EIF4G3: variants seen among roughly 807,000 people sequenced by gnomAD.
The protein encoded by EIF4G3 is eukaryotic translation initiation factor 4 gamma 3.
Under a neutral mutation model 186.4 loss-of-function variants are expected in EIF4G3, and 34 were observed. The ratio of observed to expected loss-of-function variants is 0.18; its 90% CI spans 0.14 to 0.24. The LOEUF is 0.24. Among genes scored for constraint, EIF4G3 ranks in the 10% least tolerant of loss-of-function variants. EIF4G3 has a pLI of 1.00. For missense variants in EIF4G3, 1,536 were observed against 1,948.5 expected, an observed-to-expected ratio of 0.79 and a Z score of 3.99; for synonymous variants, 673 against 679.5, an observed-to-expected ratio of 0.99 and a Z score of 0.15.
chr1:21,163,337 G>A (rs2097795761), intron 2 of EIF4G3, among the ~76,000 whole-genome samples: 4 of 152,152 alleles, frequency 2.6e-5, no homozygotes, highest in Admixed American at 2.6e-4. Context: ...CAGGAAGTTG[G>A]ACTACTTTCA....
intron 20 of EIF4G3, among the ~76,000 whole-genome samples, chr1:20,870,810 A>T (rs1558010363): frequency 6.6e-6 from 1 of 152,222 alleles, no homozygotes; most frequent in Admixed American, 6.5e-5. Flanking sequence ...AGGGAGTCTC[A>T]CAGGCCTCTT....
At chr1:21,154,547 T>G (rs1035550908) in intron 2 of EIF4G3, among the ~76,000 whole-genome samples, 7 of 152,336 alleles carry the variant, frequency 4.6e-5, no homozygotes, top group East Asian at 1.9e-4. Flanking sequence ...CCGCTCCAAA[T>G]ATATTTTTCA....
intron 3 of EIF4G3, among the ~76,000 whole-genome samples, chr1:21,067,224 T>A (rs1290436461): frequency 6.6e-6 from 1 of 150,878 alleles, no homozygotes; most frequent in Non-Finnish European, 1.5e-5. Flanking sequence ...CCTCTGCTTC[T>A]GGGGTTTAAG....
At chr1:21,050,766 A>T in intron 4 of EIF4G3, 100 bp downstream of exon 4, 1 of 628,818 alleles carries the variant, frequency 1.6e-6, no homozygotes, top group East Asian at 3.1e-5. Flanking sequence ...ATTACTATAC[A>T]AGTAATGTTT....
intron 3 of EIF4G3, among the ~76,000 whole-genome samples, chr1:21,069,408 G>GT (rs1424657765): frequency 2.0e-5 from 3 of 152,076 alleles, no homozygotes; most frequent in African/African-American, 7.2e-5. Flanking sequence ...TTAAAACAAC[G>GT]TATCACCATC....
At chr1:21,114,908 A>G (rs138853852) in intron 2 of EIF4G3, among the ~76,000 whole-genome samples, 2 of 152,314 alleles carry the variant, frequency 1.3e-5, no homozygotes, top group East Asian at 3.9e-4. Flanking sequence ...TATGCCTGTA[A>G]TCCTAGCATT....
At position 21,169,762 on chromosome 1, in the gene EIF4G3, A is replaced by T. The variant is rs576725995; in HGVS notation, c.-272+6413T>A. The T allele has an allele frequency of 8.0e-4, 122 of 152,334 alleles. 1 individual carries two copies. The highest frequency in any genetic ancestry group is 2.9e-3 in the African/African-American group (120 of 41,572). The allele number at this position is 152,334 out of a possible 1,614,324, so 9.4% of individuals were successfully genotyped here. ...AGAATTATTTTCAATTCAATTATAC[A>T]TCCCTGCAAAATAATTTGAGGGCAG... On this transcript the variant is annotated intron_variant, in intron 2 of 36. Transcript: ENST00000602326.
chr1:20,843,181 T>C (rs1460474732), intron 29 of EIF4G3, among the ~76,000 whole-genome samples: 2 of 150,650 alleles, frequency 1.3e-5, no homozygotes, highest in Non-Finnish European at 3.0e-5. Flanking sequence ...ATCAACATCA[T>C]TGTTATGCCT....
intron 4 of EIF4G3, among the ~76,000 whole-genome samples, chr1:21,030,289 G>A (rs534633944): frequency 6.6e-6 from 1 of 152,270 alleles, no homozygotes; most frequent in South Asian, 2.1e-4. Context: ...CATGTGTTAT[G>A]GGGGGAACCC....
intron 3 of EIF4G3, chr1:21,065,074 C>T (rs1018682893): frequency 6.6e-6 from 1 of 152,170 alleles, no homozygotes; most frequent in African/African-American, 2.4e-5. Context: ...GATCTTCAGT[C>T]AGTTGCTAAT....
intron 28 of EIF4G3, among the ~76,000 whole-genome samples, chr1:20,850,214 C>T (rs1238318870): frequency 6.6e-6 from 1 of 152,216 alleles, no homozygotes; most frequent in African/African-American, 2.4e-5. Context: ...AAGGGCCTCA[C>T]ATTCACTGTG....
chr1:21,071,407 A>G (rs912567772), intron 3 of EIF4G3, among the ~76,000 whole-genome samples: 1 of 152,134 alleles, frequency 6.6e-6, no homozygotes, highest in Non-Finnish European at 1.5e-5. Context: ...CAGGGTGAGA[A>G]CCTGTCTCCA....
In EIF4G3 at chr1:21,159,709, G is replaced by A. The variant is rs181814452; in HGVS notation, c.-272+16466C>T. ...GAGCCAGGTATGGTGGCTCATGCCTGTAATCCTAGCACTCTGGGAGGCCAA... is the reference window on the plus strand; with the variant it reads ...GAGCCAGGTATGGTGGCTCATGCCTATAATCCTAGCACTCTGGGAGGCCAA... On this transcript the variant is annotated intron_variant, in intron 2 of 36. Transcript: ENST00000602326. Among the ~76,000 whole-genome samples the A allele has an allele frequency of 9.2e-5, 14 of 152,286 alleles. No homozygotes were observed. In the East Asian group the frequency reaches 2.1e-3, roughly 23 times the overall value.
chr1:21,026,308 A>C (rs2092078220), intron 4 of EIF4G3, among the ~76,000 whole-genome samples: 1 of 152,238 alleles, frequency 6.6e-6, no homozygotes, highest in Non-Finnish European at 1.5e-5. Flanking sequence ...GGACATTTTC[A>C]ACAAATGGTT....
intron 2 of EIF4G3, among the ~76,000 whole-genome samples, chr1:21,122,345 T>A (rs776275498): frequency 6.6e-6 from 1 of 152,182 alleles, no homozygotes; most frequent in Non-Finnish European, 1.5e-5. Flanking sequence ...AGCAAAATCA[T>A]GTAAACAGAA....
chr1:21,148,705 T>TAAAAAAA (rs765374275), intron 2 of EIF4G3, among the ~76,000 whole-genome samples: 1 of 108,962 alleles, frequency 9.2e-6, no homozygotes, highest in Admixed American at 1.0e-4. Context: ...CTGTCTCATT[T>TAAAAAAA]AAAAAAAAAA....
intron 30 of EIF4G3, among the ~76,000 whole-genome samples, chr1:20,838,045 A>C (rs769931049): frequency 1.3e-5 from 2 of 152,180 alleles, no homozygotes; most frequent in Non-Finnish European, 1.5e-5. Flanking sequence ...AGAAGTGTTA[A>C]CCTCATTTTA....
chr1:20,965,334 G>A (rs2074382530), intron 12 of EIF4G3, among the ~76,000 whole-genome samples: 1 of 152,054 alleles, frequency 6.6e-6, no homozygotes, highest in Non-Finnish European at 1.5e-5. Context: ...ACATGAAGAG[G>A]CATCCCTGAC....
chr1:20,864,051 C>G (rs142038786), intron 22 of EIF4G3, among the ~76,000 whole-genome samples: 2 of 152,102 alleles, frequency 1.3e-5, no homozygotes, highest in African/African-American at 4.8e-5. Flanking sequence ...AAATAGCATA[C>G]ATTATTACAG....
Sources: allele counts gnomAD v4.1 joint callset (sites outside exome capture counted in the v4.1 genomes callset), GRCh38; gene constraint gnomAD v4.1.1; transcripts MANE v1.5; gene names NCBI Gene and HGNC (gene_info 2026-07-23, HGNC 2026-07-21).